The following PIH1D1 variants were observed in gnomAD, a reference collection of about 807,000 sequenced individuals.
The protein encoded by PIH1D1 is PIH1 domain-containing protein 1.
In PIH1D1, 28 loss-of-function variants were observed where a neutral mutation model predicts 38.5. That is an observed-to-expected ratio of 0.73 (90% CI 0.54 to 1.00). The LOEUF is 1.00. Among genes scored for constraint, PIH1D1 ranks in the 50% least tolerant of loss-of-function variants. PIH1D1 has a pLI of 0.00. For missense variants in PIH1D1, 343 were observed against 369.9 expected (o/e 0.93, Z 0.60); for synonymous variants, 155 against 153.5 (o/e 1.01, Z -0.07).
intron 3 of PIH1D1, 87 bp from the exon 4 acceptor site, chr19:49,448,149 G>T: frequency 7.6e-7 from 1 of 1,321,746 alleles, no homozygotes; most frequent in Non-Finnish European, 1.1e-6. Context: ...AACATTCAGG[G>T]ACAGCGGCCG....
At chr19:49,451,091 G>A (rs542812826) in intron 1 of PIH1D1, among the ~76,000 whole-genome samples, 2 of 143,524 alleles carry the variant, frequency 1.4e-5, no homozygotes, top group African/African-American at 5.3e-5. Context: ...GTGCAGTGCC[G>A]AGGTCTCGGC....
At position 49,448,048 on chromosome 19, in the gene PIH1D1, T is replaced by A. The variant is rs1032528254; in HGVS notation, c.352A>T (p.Thr118Ser). ...CTGTTGACAGCTACGTCGTAGGCGG[T>A]ACATCCCTGGCCTTCTGCGGGGAGA... ...AELDAKGQGC[T>S]AYDVAVNSDF... The change falls in exon 4 of 9, where the codon ACC becomes TCC. Residue 118 changes from threonine to serine, a missense_variant. Coordinates refer to ENST00000262265, the MANE Select transcript of PIH1D1 (RefSeq NM_017916.3). 5 of 1,613,974 alleles carry A rather than the reference T, an allele frequency of 3.1e-6. No homozygotes were observed. In the Admixed American group the frequency reaches 5.0e-5, roughly 16 times the overall value.
At chr19:49,451,021 A>ATTTATT in intron 1 of PIH1D1, 173 bp from the exon 2 acceptor site, 1 of 808,784 alleles carries the variant, frequency 1.2e-6, no homozygotes, top group Non-Finnish European at 1.6e-6. Flanking sequence ...CCCCATTCCC[A>ATTTATT]TTTCTTTTTT....
chr19:49,450,976 C>G (rs748558683), intron 1 of PIH1D1, 128 bp from the exon 2 acceptor site: 1 of 1,559,534 alleles, frequency 6.4e-7, no homozygotes, highest in Non-Finnish European at 8.7e-7. Flanking sequence ...GTTTAGGTCC[C>G]CTTTCTCCTT....
At position 49,450,767 on chromosome 19, in the gene PIH1D1, G is replaced by C. The variant is rs762967778; in HGVS notation, c.157+15C>G. 1 of 1,536,630 alleles carries C rather than the reference G, an allele frequency of 6.5e-7. No homozygotes were observed. The highest frequency in any genetic ancestry group is 1.8e-5 in the Admixed American group (1 of 55,106). On this transcript the variant is annotated intron_variant, in intron 2 of 8. Transcript: ENST00000262265. ...CTGGGTCTCCTGTCCCTCTCTCTCC[G>C]GTGTCCTTTCTCACCAGGCTGAGGC...
rs2079035012 is a variant in PIH1D1 at position 49,447,958 on chromosome 19, TAG to T, written c.399+41_399+42del. 1.9e-6 allele frequency: 3 copies of T among 1,612,288 alleles called. No individual in the cohort carries two copies. In the Admixed American group the frequency reaches 5.0e-5, roughly 27 times the overall value. On this transcript the variant is annotated intron_variant, in intron 4 of 8. Coordinates refer to ENST00000262265, the MANE Select transcript of PIH1D1 (RefSeq NM_017916.3). ...CAGGCGGTGGCGGGGAGGGTAGGGG[TAG>T]AGACCCCTGCCCAGGCCTCAACCGC... is the stretch of plus-strand genomic sequence containing the variant.
chr19:49,447,134 T>C, intron 6 of PIH1D1, 35 bp from the exon 7 acceptor site: 7 of 1,570,192 alleles, frequency 4.5e-6, no homozygotes, highest in Non-Finnish European at 6.1e-6. Flanking sequence ...TGAGCACAGC[T>C]GCCAGGTCTT....
Position 49,448,040 on chromosome 19 carries a change from G to A in PIH1D1, c.360C>T (p.Tyr120=). The change falls in exon 4 of 9, where the codon TAC becomes TAT. Residue 120 remains tyrosine, a synonymous_variant. Transcript: ENST00000262265. ...LDAKGQGCTA[Y]DVAVNSDFYR... is the part of the protein sequence containing the mutation. Reference sequence around the variant, plus strand: ...AGAAGTCGCTGTTGACAGCTACGTCGTAGGCGGTACATCCCTGGCCTTCTG... The same window carrying A: ...AGAAGTCGCTGTTGACAGCTACGTCATAGGCGGTACATCCCTGGCCTTCTG... The A allele has an allele frequency of 6.2e-7, 1 of 1,614,208 alleles. No homozygotes were observed. The highest frequency in any genetic ancestry group is 8.5e-7 in the Non-Finnish European group (1 of 1,180,022).
Position 49,448,016 on chromosome 19 carries a change from G to A in PIH1D1, c.384C>T (p.Phe128=), listed in dbSNP as rs1568640770. Residue 128 remains phenylalanine (F), a synonymous_variant, in exon 4 of 9, where the codon TTC becomes TTT. Coordinates refer to ENST00000262265, the MANE Select transcript of PIH1D1 (RefSeq NM_017916.3). ...CGCCCCCAACCTGCATCCTCCGGTA[G>A]AAGTCGCTGTTGACAGCTACGTCGT... ...TAYDVAVNSD[F]YRRMQNSDFL... 1 of 1,614,232 alleles carries A rather than the reference G, an allele frequency of 6.2e-7. No homozygotes were observed.
intron 3 of PIH1D1, chr19:49,449,154 A>C: frequency 2.3e-6 from 1 of 437,152 alleles, no homozygotes; most frequent in Non-Finnish European, 4.3e-6. Flanking sequence ...AGAAAAAAAA[A>C]AAGAAAGAAA....
rs771103124 is a variant in PIH1D1, at chr19:49,449,572, G to A, written c.240C>T (p.Asp80=). The A allele has an allele frequency of 8.1e-6, 13 of 1,613,984 alleles. No individual in the cohort carries two copies. Among genetic ancestry groups the A allele is most frequent in the Admixed American group, 1.7e-5 (1 of 59,996 alleles). Residue 80 remains aspartate, a synonymous_variant, in exon 3 of 9, where the codon GAC becomes GAT. Coordinates refer to ENST00000262265, the MANE Select transcript of PIH1D1 (RefSeq NM_017916.3). The part of the protein sequence containing the change: ...CHSPSIPPPA[D]VTEEELLQML... ...TCTGAAGCAGCTCCTCCTCGGTCAC[G>A]TCGGCGGGAGGAGGGATAGAGGGGG...
At chr19:49,447,558 C>T in intron 5 of PIH1D1, 91 bp from the exon 6 acceptor site, 1 of 1,497,256 alleles carries the variant, frequency 6.7e-7, no homozygotes, top group East Asian at 2.3e-5. Context: ...CACCGGCTCA[C>T]CAGGACTCTT....
intron 3 of PIH1D1, 66 bp from the exon 4 acceptor site, chr19:49,448,128 G>T: frequency 6.7e-7 from 1 of 1,503,056 alleles, no homozygotes; most frequent in South Asian, 1.1e-5. Flanking sequence ...CCCAGACCCA[G>T]ACAGGGAAGA....
At chr19:49,446,473 C>G in intron 8 of PIH1D1, 50 bp from the exon 9 acceptor site, 1 of 1,479,434 alleles carries the variant, frequency 6.8e-7, no homozygotes, top group Non-Finnish European at 9.5e-7. Context: ...AGAAGTCCAG[C>G]TCCCAGCCCC....
intron 1 of PIH1D1, 126 bp from the exon 2 acceptor site, chr19:49,450,974 C>G: frequency 6.4e-7 from 1 of 1,560,580 alleles, no homozygotes; most frequent in African/African-American, 1.4e-5. Flanking sequence ...CGGTTTAGGT[C>G]CCCTTTCTCC....
At chr19:49,449,679 C>A in intron 2 of PIH1D1, 25 bp from the exon 3 acceptor site, 1 of 1,593,650 alleles carries the variant, frequency 6.3e-7, no homozygotes, top group Non-Finnish European at 8.6e-7. Flanking sequence ...TTAGTCATGA[C>A]AATCCTTTTC....
chr19:49,449,423 G>A (rs2079044398), intron 3 of PIH1D1, 52 bp downstream of exon 3: 1 of 1,566,676 alleles, frequency 6.4e-7, no homozygotes, highest in African/African-American at 1.4e-5. Context: ...TTGGGTTCTA[G>A]GGAAGAAGGG....
Position 49,447,870 on chromosome 19 carries a change from G to A in PIH1D1, c.438C>T (p.Ala146=). ...TGTATTTGTCCTCAAGGCCCTCCCT[G>A]GCGATGGTGATCACGAGCTCCCGCA... ...DFLRELVITI[A]REGLEDKYNL... Residue 146 remains alanine (A), a synonymous_variant, in exon 5 of 9, where the codon GCC becomes GCT. Transcript: ENST00000262265. The A allele has an allele frequency of 6.2e-7, 1 of 1,614,214 alleles. No individual in the cohort carries two copies. The highest frequency in any genetic ancestry group is 8.5e-7 in the Non-Finnish European group (1 of 1,180,028).
chr19:49,447,571 G>A, intron 5 of PIH1D1, 104 bp from the exon 6 acceptor site: 2 of 1,402,362 alleles, frequency 1.4e-6, no homozygotes, highest in Non-Finnish European at 9.8e-7. Context: ...GGACTCTTGG[G>A]GTCTGACCAC....
Sources: gnomAD v4.1 joint callset for allele counts (sites outside exome capture counted in the v4.1 genomes callset) on GRCh38, gnomAD v4.1.1 for gene constraint, MANE v1.5 for transcripts, NCBI Gene and HGNC (gene_info 2026-07-23, HGNC 2026-07-21) for gene names.